Variants in ZDHHC14 observed in about 807,000 individuals in gnomAD.
ZDHHC14 encodes zDHHC palmitoyltransferase 14, also known as palmitoyltransferase ZDHHC14.
Under a neutral mutation model 47.7 loss-of-function variants are expected in ZDHHC14, and 16 were observed. That is an observed-to-expected ratio of 0.34 (90% CI 0.23 to 0.51). The LOEUF (loss-of-function observed/expected upper bound fraction) is 0.51. ZDHHC14 is among the 20% of genes least tolerant of loss of function. ZDHHC14 has a pLI of 0.97. For missense variants in ZDHHC14, 515 were observed against 662.5 expected (o/e 0.78, Z 2.44); for synonymous variants, 293 against 278.9 (o/e 1.05, Z -0.50).
chr6:157,397,575 G>T (rs1186368911), intron 1 of ZDHHC14, among the ~76,000 whole-genome samples: 1 of 152,120 alleles, frequency 6.6e-6, no homozygotes, highest in Admixed American at 6.5e-5. Flanking sequence ...AGAACCCATG[G>T]GATTCCCTGG....
chr6:157,397,904 C>T (rs144293470), intron 1 of ZDHHC14, among the ~76,000 whole-genome samples: 230 of 152,188 alleles, frequency 1.5e-3, no homozygotes, highest in African/African-American at 4.9e-3. Context: ...CAGATGGGTC[C>T]GCCACCCAGC....
intron 1 of ZDHHC14, among the ~76,000 whole-genome samples, chr6:157,533,658 A>C (rs1249030924): frequency 1.3e-5 from 2 of 152,172 alleles, no homozygotes; most frequent in African/African-American, 4.8e-5. Flanking sequence ...ACCTGGCTTT[A>C]GTTCTGAGCA....
chr6:157,643,431 T>G (rs1777350839), intron 5 of ZDHHC14, among the ~76,000 whole-genome samples: 1 of 151,818 alleles, frequency 6.6e-6, no homozygotes, highest in Non-Finnish European at 1.5e-5. Context: ...GAGGATCACC[T>G]GAGGTCAGGA....
chr6:157,432,054 C>T (rs185513706), intron 1 of ZDHHC14, among the ~76,000 whole-genome samples: 1 of 152,076 alleles, frequency 6.6e-6, no homozygotes, highest in Non-Finnish European at 1.5e-5. Context: ...GGAAATGTTG[C>T]TTTCATTTTT....
intron 8 of ZDHHC14, among the ~76,000 whole-genome samples, chr6:157,664,736 A>C (rs1006849720): frequency 6.6e-6 from 1 of 152,180 alleles, no homozygotes; most frequent in African/African-American, 2.4e-5. Flanking sequence ...AGTGTCCCTA[A>C]TGCACTACTT....
chr6:157,442,490 T>C (rs1409073295), intron 1 of ZDHHC14, among the ~76,000 whole-genome samples: 1 of 152,242 alleles, frequency 6.6e-6, no homozygotes, highest in Non-Finnish European at 1.5e-5. Context: ...AGTCATGGAA[T>C]GCAAGAACCA....
intron 2 of ZDHHC14, among the ~76,000 whole-genome samples, chr6:157,574,246 A>G (rs149682473): frequency 0.022 from 3,364 of 151,904 alleles, 124 homozygotes; most frequent in African/African-American, 0.077. Flanking sequence ...AAGATGGCAA[A>G]ATCCTATCTC....
intron 2 of ZDHHC14, among the ~76,000 whole-genome samples, chr6:157,559,949 C>T (rs34285527): frequency 0.23 from 34,349 of 152,110 alleles, 4,186 homozygotes; most frequent in Middle Eastern, 0.34. Context: ...TGAAAATAAA[C>T]ATGAAGATGT....
intron 1 of ZDHHC14, among the ~76,000 whole-genome samples, chr6:157,455,568 G>A (rs1442359351): frequency 6.6e-6 from 1 of 152,158 alleles, no homozygotes; most frequent in African/African-American, 2.4e-5. Flanking sequence ...TTGTGCTTGC[G>A]TTTGTGTTGT....
At chr6:157,644,036 T>C (rs973357124) in intron 5 of ZDHHC14, among the ~76,000 whole-genome samples, 15 of 152,192 alleles carry the variant, frequency 9.9e-5, no homozygotes, top group African/African-American at 3.4e-4. Context: ...CTCCTCTTTC[T>C]GTCTCTTGTC....
chr6:157,397,847 T>C (rs1467990951), intron 1 of ZDHHC14, among the ~76,000 whole-genome samples: 1 of 152,052 alleles, frequency 6.6e-6, no homozygotes, highest in African/African-American at 2.4e-5. Flanking sequence ...GGATTATTTG[T>C]CTGGCTGACC....
intron 1 of ZDHHC14, among the ~76,000 whole-genome samples, chr6:157,535,965 AT>A (rs1228332199): frequency 6.6e-6 from 1 of 152,188 alleles, no homozygotes; most frequent in African/African-American, 2.4e-5. Context: ...GCAGTGACTC[AT>A]TTGAAAAGGA....
chr6:157,526,654 A>G (rs1300410688), intron 1 of ZDHHC14, among the ~76,000 whole-genome samples: 1 of 152,066 alleles, frequency 6.6e-6, no homozygotes, highest in Admixed American at 6.6e-5. Flanking sequence ...CCCACCCTCA[A>G]GCTCGTGGGT....
intron 1 of ZDHHC14, among the ~76,000 whole-genome samples, chr6:157,490,088 C>T (rs1779876758): frequency 1.3e-5 from 2 of 152,078 alleles, no homozygotes; most frequent in South Asian, 2.1e-4. Context: ...GGTGACCCCC[C>T]TCAGTTTCTA....
At chr6:157,536,022 A>T (rs962082775) in intron 1 of ZDHHC14, among the ~76,000 whole-genome samples, 1 of 151,354 alleles carries the variant, frequency 6.6e-6, no homozygotes, top group African/African-American at 2.5e-5. Flanking sequence ...CATTTCTCAC[A>T]ATGCTACTCT....
intron 3 of ZDHHC14, among the ~76,000 whole-genome samples, chr6:157,624,941 C>T (rs756604402): frequency 2.6e-5 from 4 of 152,212 alleles, no homozygotes; most frequent in Non-Finnish European, 5.9e-5. Flanking sequence ...ACGGGGCCTA[C>T]ATCTGAAGGG....
intron 1 of ZDHHC14, among the ~76,000 whole-genome samples, chr6:157,412,159 G>A (rs949452594): frequency 2.6e-5 from 4 of 151,604 alleles, no homozygotes; most frequent in Non-Finnish European, 5.9e-5. Flanking sequence ...GGCTGGTCTC[G>A]AACTCCTGAC....
In ZDHHC14 at chr6:157,489,435, G is replaced by GT. The variant is rs149802681; in HGVS notation, c.246-53139dup. ...AAAACACCTTTTTATTCTTTCAGTT[G>GT]TTTTTTTTTTTGAATGTTTTTATTG... On this transcript the variant is annotated intron_variant, in intron 1 of 8. Coordinates refer to ENST00000359775, the MANE Select transcript of ZDHHC14 (RefSeq NM_024630.3). Among the ~76,000 whole-genome samples, 936 of 147,230 alleles carry GT rather than the reference G, an allele frequency of 6.4e-3. 11 individuals carry two copies. Among genetic ancestry groups the GT allele is most frequent in the East Asian group, 0.035 (176 of 5,094 alleles).
chr6:157,563,042 G>A (rs186061772), intron 2 of ZDHHC14, among the ~76,000 whole-genome samples: 498 of 152,282 alleles, frequency 3.3e-3, no homozygotes, highest in African/African-American at 0.011. Context: ...TAGGGTTCAT[G>A]GTCTTCCTGC....
Sources: allele counts gnomAD v4.1 joint callset (sites outside exome capture counted in the v4.1 genomes callset), GRCh38; gene constraint gnomAD v4.1.1; transcripts MANE v1.5; gene names NCBI Gene and HGNC (gene_info 2026-07-23, HGNC 2026-07-21).